The following HDAC4 variants were observed in gnomAD, a reference collection of about 807,000 sequenced individuals.
HDAC4 encodes histone deacetylase 4.
In HDAC4, 16 loss-of-function variants were observed where a neutral mutation model predicts 135.1. That is an observed-to-expected ratio of 0.12 (90% confidence interval 0.08 to 0.18). HDAC4 has a LOEUF of 0.18. Ranked by LOEUF, HDAC4 falls within the 10% of genes least tolerant of loss-of-function variation. HDAC4 has a pLI of 1.00. For synonymous variants in HDAC4, 685 were observed against 653.4 expected, an observed-to-expected ratio of 1.05 and a Z score of -0.74; for missense variants, 1,143 against 1,511.8, an observed-to-expected ratio of 0.76 and a Z score of 4.05.
intron 2 of HDAC4, among the ~76,000 whole-genome samples, chr2:239,252,002 GTA>G (rs924259941): frequency 9.2e-5 from 14 of 152,100 alleles, no homozygotes; most frequent in African/African-American, 3.4e-4. Context: ...TGATTTCTTT[GTA>G]TTGCATTCTA....
In HDAC4 at chr2:239,067,420, G is replaced by A. The variant is rs2033652280; in HGVS notation, c.2870-565C>T. ...AGGCCAGGCCGGTGCTGATTAGAGA[G>A]CCCGGAACCACGCGCCGCTAATTAG... On this transcript the variant is annotated intron_variant, in intron 23 of 26. Coordinates refer to ENST00000543185, the MANE Select transcript of HDAC4 (RefSeq NM_001378414.1). Among the ~76,000 whole-genome samples, 10 of 152,314 alleles carry A rather than the reference G, an allele frequency of 6.6e-5. No homozygotes were observed. The South Asian group carries it at 2.1e-3, about 32-fold the overall frequency.
chr2:239,084,273 G>A (rs916930183), intron 19 of HDAC4, 31 bp from the exon 20 acceptor site: 4 of 1,522,508 alleles, frequency 2.6e-6, no homozygotes, highest in Non-Finnish European at 3.6e-6. Context: ...TGGAGACGAA[G>A]CGCAGGTGGG....
intron 2 of HDAC4, among the ~76,000 whole-genome samples, chr2:239,295,548 A>G (rs991543467): frequency 2.0e-5 from 3 of 152,022 alleles, no homozygotes; most frequent in African/African-American, 7.3e-5. Context: ...CCCAGAGCAA[A>G]CAGGTCCTCC....
chr2:239,225,786 G>A (rs113565396), intron 3 of HDAC4, among the ~76,000 whole-genome samples: 3 of 152,244 alleles, frequency 2.0e-5, no homozygotes, highest in African/African-American at 7.2e-5. Context: ...CACCTGGTCA[G>A]ACACCTGGCT....
chr2:239,194,910 G>A (rs924783606), intron 3 of HDAC4, among the ~76,000 whole-genome samples: 1 of 152,230 alleles, frequency 6.6e-6, no homozygotes, highest in African/African-American at 2.4e-5. Context: ...GTGCTGGTGA[G>A]AGAGGCAAGT....
chr2:239,379,211 G>T (rs1352328255), intron 1 of HDAC4, among the ~76,000 whole-genome samples: 1 of 152,120 alleles, frequency 6.6e-6, no homozygotes. Flanking sequence ...AGTCCAGCCA[G>T]GGGGAGTGGG....
At chr2:239,190,895 C>A in intron 3 of HDAC4, 1 of 453,626 alleles carries the variant, frequency 2.2e-6, no homozygotes, top group Non-Finnish European at 4.6e-6. Context: ...GTTTAAATTA[C>A]AGATATCACA....
In HDAC4 at chr2:239,139,349, TC is replaced by T. The variant is rs2041191277; in HGVS notation, c.978+334del. Among the ~76,000 whole-genome samples the T allele has an allele frequency of 6.6e-6, 1 of 152,128 alleles. No homozygotes were observed. Among genetic ancestry groups the T allele is most frequent in the Admixed American group, 6.5e-5 (1 of 15,280 alleles). On this transcript the variant is annotated intron_variant, in intron 9 of 26. Coordinates refer to ENST00000543185, the MANE Select transcript of HDAC4 (RefSeq NM_001378414.1). The surrounding 1 kb of genome is among the most constrained non-coding windows in gnomAD (Gnocchi z 5.3). ...AGCGAGCTGGGCAGCAGGGATCCTG[TC>T]CACCTAGAGCACCTGCCATGCGTGG...
Position 239,068,326 on chromosome 2 carries a change from G to A in HDAC4, c.2869+163C>T, listed in dbSNP as rs2033790169. ...CCGCTGCCTGCTCTGGGCTCTCTGG[G>A]GCCTCCCAAATGGACTGGTTCCCAG... On this transcript the variant is annotated intron_variant, in intron 23 of 26. Coordinates refer to ENST00000543185, the MANE Select transcript of HDAC4 (RefSeq NM_001378414.1). The surrounding 1 kb of genome is among the most constrained non-coding windows in gnomAD (Gnocchi z 4.4). Among the ~76,000 whole-genome samples, 1 of 152,158 alleles carries A rather than the reference G, an allele frequency of 6.6e-6. No individual in the cohort carries two copies. Among genetic ancestry groups the A allele is most frequent in the Non-Finnish European group, 1.5e-5 (1 of 67,990 alleles).
intron 2 of HDAC4, among the ~76,000 whole-genome samples, chr2:239,316,162 C>T (rs1480430015): frequency 1.3e-5 from 2 of 152,184 alleles, no homozygotes; most frequent in African/African-American, 2.4e-5. Flanking sequence ...TCCAAAGCCC[C>T]GTGGGAATAG....
At chr2:239,190,168 A>AG in intron 3 of HDAC4, 91 bp from the exon 4 acceptor site, 3 of 828,330 alleles carry the variant, frequency 3.6e-6, no homozygotes, top group East Asian at 4.0e-5. Flanking sequence ...GGCCACCTTC[A>AG]CGGGGCGGGG....
chr2:239,136,777 G>A (rs2040988048), intron 9 of HDAC4, among the ~76,000 whole-genome samples: 2 of 152,218 alleles, frequency 1.3e-5, no homozygotes, highest in South Asian at 4.1e-4. Context: ...TTGGGGATAG[G>A]AAGAAACGCT....
At chr2:239,346,944 TAC>T (rs962502886) in intron 2 of HDAC4, among the ~76,000 whole-genome samples, 5 of 102,034 alleles carry the variant, frequency 4.9e-5, no homozygotes, top group Admixed American at 2.8e-4. Context: ...CCCTAACACA[TAC>T]ACATTGTGTC....
At chr2:239,389,539 C>A (rs987571994) in intron 1 of HDAC4, among the ~76,000 whole-genome samples, 9 of 152,086 alleles carry the variant, frequency 5.9e-5, no homozygotes, top group African/African-American at 1.9e-4. Context: ...GACCAAGAAC[C>A]CACTGGAAGG....
intron 2 of HDAC4, among the ~76,000 whole-genome samples, chr2:239,350,683 T>G (rs1693082455): frequency 6.6e-6 from 1 of 152,134 alleles, no homozygotes; most frequent in Non-Finnish European, 1.5e-5. Context: ...TTTGTATTTT[T>G]AGTAGAGATG....
At chr2:239,161,691 C>T (rs965771278) in intron 6 of HDAC4, 8 of 327,468 alleles carry the variant, frequency 2.4e-5, no homozygotes, top group African/African-American at 8.6e-5. Context: ...GAAGTACCTC[C>T]GGCCCCTGCC....
chr2:239,299,965 AG>A lies in HDAC4; in HGVS notation c.22+52712del, dbSNP rs2052154111. On this transcript the variant is annotated intron_variant, in intron 2 of 26. Coordinates refer to ENST00000543185, the MANE Select transcript of HDAC4 (RefSeq NM_001378414.1). This position sits in a 1 kb window ranked among gnomAD's most constrained non-coding sequence, Gnocchi z 4.0. Reference sequence around the variant, plus strand: ...GGGGTCCCATCAGAGGACTCCCTGCAGTGCTCCATGAATTTCTCCCGAATTC... The same window carrying A: ...GGGGTCCCATCAGAGGACTCCCTGCATGCTCCATGAATTTCTCCCGAATTC... Among the ~76,000 whole-genome samples the A allele has an allele frequency of 6.6e-6, 1 of 152,220 alleles. No homozygotes were observed. Among genetic ancestry groups the A allele is most frequent in the East Asian group, 1.9e-4 (1 of 5,194 alleles).
intron 1 of HDAC4, among the ~76,000 whole-genome samples, chr2:239,378,488 T>C (rs1320485525): frequency 1.3e-5 from 2 of 152,066 alleles, no homozygotes; most frequent in Non-Finnish European, 2.9e-5. Flanking sequence ...GATGGCAGCA[T>C]CACAAGGACC....
chr2:239,087,479 A>T, intron 19 of HDAC4, 80 bp downstream of exon 19: 1 of 1,386,210 alleles, frequency 7.2e-7, no homozygotes, highest in Non-Finnish European at 1.0e-6. Flanking sequence ...CCCCGCAGTC[A>T]CTCACACACC....
Sources: gnomAD v4.1 joint callset for allele counts (sites outside exome capture counted in the v4.1 genomes callset) on GRCh38, gnomAD v4.1.1 for gene constraint, Gnocchi (gnomAD v3.1) non-coding constraint, MANE v1.5 for transcripts, NCBI Gene and HGNC (gene_info 2026-07-23, HGNC 2026-07-21) for gene names.